LSM1: variants seen among roughly 807,000 people sequenced by gnomAD.
LSM1 encodes the protein LSM1 homolog, mRNA degradation associated.
LSM1 carries 13 observed loss-of-function variants against 18.0 expected under a neutral mutation model. The ratio of observed to expected loss-of-function variants is 0.72; its 90% CI spans 0.47 to 1.15. The LOEUF is 1.15. Ranked by LOEUF, LSM1 falls within the 50% of genes most tolerant of loss-of-function variation. LSM1 has a pLI of 0.00. For synonymous variants in LSM1, 46 were observed against 56.0 expected (o/e 0.82, Z 0.80); for missense variants, 152 against 157.7 (o/e 0.96, Z 0.19).
chr8:38,170,468 G>T (rs1007946694), intron 2 of LSM1, among the ~76,000 whole-genome samples: 1 of 152,082 alleles, frequency 6.6e-6, no homozygotes, highest in African/African-American at 2.4e-5. Flanking sequence ...AGAAATAAGA[G>T]AAATAAATTC....
chr8:38,165,372 G>A (rs1288076117), intron 3 of LSM1, among the ~76,000 whole-genome samples: 1 of 150,638 alleles, frequency 6.6e-6, no homozygotes, highest in Non-Finnish European at 1.5e-5. Context: ...ACAAAAAATT[G>A]TTGCCTAATA....
intron 1 of LSM1, among the ~76,000 whole-genome samples, chr8:38,175,368 C>T (rs959875431): frequency 1.3e-4 from 20 of 151,962 alleles, no homozygotes; most frequent in Admixed American, 3.9e-4. Context: ...GCGCCAGGCC[C>T]GTAAAATGAA....
rs183782240 is a variant in LSM1 at position 38,165,579 on chromosome 8, C to T, written c.232-1739G>A. ...AGGTGTGGTGGCTCACACTTGTAATCCCAGCTACTCGGGAAGCTGAGGCAC... is the reference window on the plus strand; with the variant it reads ...AGGTGTGGTGGCTCACACTTGTAATTCCAGCTACTCGGGAAGCTGAGGCAC... On this transcript the variant is annotated intron_variant, in intron 3 of 3. Transcript: ENST00000311351. Among the ~76,000 whole-genome samples, 870 of 151,614 alleles carry T rather than the reference C, an allele frequency of 5.7e-3. 35 individuals carry two copies. The highest frequency in any genetic ancestry group is 0.049 in the Admixed American group (746 of 15,206).
intron 2 of LSM1, among the ~76,000 whole-genome samples, chr8:38,171,535 C>T (rs540549584): frequency 6.6e-6 from 1 of 152,274 alleles, no homozygotes; most frequent in Admixed American, 6.5e-5. Context: ...GGGGTGGTGG[C>T]TGGAGCCTAT....
At chr8:38,175,171 C>A (rs1442870040) in intron 1 of LSM1, among the ~76,000 whole-genome samples, 1 of 149,344 alleles carries the variant, frequency 6.7e-6, no homozygotes, top group Admixed American at 6.7e-5. Flanking sequence ...ACCTTCTCCT[C>A]CCGGGTTCAA....
In LSM1 at chr8:38,172,015, A is replaced by G. The variant is rs867224503; in HGVS notation, c.65T>C (p.Leu22Pro). ...GCCTATAAGTGTCCTTCCATCTCGAAGCAGAACCAAGTGCTTTTCTGGGGA... is the reference window on the plus strand; with the variant it reads ...GCCTATAAGTGTCCTTCCATCTCGAGGCAGAACCAAGTGCTTTTCTGGGGA... ...EDIDKKHLVL[L>P]RDGRTLIGFL... The change falls in exon 2 of 4, where the codon CTT (leucine) becomes CCT (proline). Residue 22 changes from leucine (L) to proline (P), a missense_variant. Transcript: ENST00000311351. 7 of 1,611,442 alleles carry G rather than the reference A, an allele frequency of 4.3e-6. No homozygotes were observed. The highest frequency in any genetic ancestry group is 4.0e-5 in the African/African-American group (3 of 74,724).
intron 2 of LSM1, among the ~76,000 whole-genome samples, chr8:38,171,277 A>G (rs1212224461): frequency 6.6e-6 from 1 of 152,150 alleles, no homozygotes; most frequent in African/African-American, 2.4e-5. Context: ...TCGCGCCTAT[A>G]ATCTCAGCAC....
intron 2 of LSM1, among the ~76,000 whole-genome samples, chr8:38,171,756 C>T (rs1044776316): frequency 2.6e-5 from 4 of 152,182 alleles, no homozygotes; most frequent in Non-Finnish European, 5.9e-5. Context: ...TACTGAAAGC[C>T]AGTTTTAGAA....
At chr8:38,169,705 T>C (rs575153655) in intron 3 of LSM1, 97 bp downstream of exon 3, 5 of 683,312 alleles carry the variant, frequency 7.3e-6, no homozygotes, top group African/African-American at 3.7e-5. Flanking sequence ...GCCAGATAAA[T>C]GTGGAGAATA....
chr8:38,167,258 A>G (rs762695542), intron 3 of LSM1, among the ~76,000 whole-genome samples: 1 of 152,236 alleles, frequency 6.6e-6, no homozygotes, highest in Admixed American at 6.5e-5. Flanking sequence ...ACAAACACAC[A>G]CATCTACTTA....
In LSM1 at chr8:38,173,526, A is replaced by C. The variant is rs531636726; in HGVS notation, c.47-1493T>G. On this transcript the variant is annotated intron_variant, in intron 1 of 3. Transcript: ENST00000311351. ...AGGCTGCATCTGGATTTGACTTCAT[A>C]GGGAACAAGAAAACATTAAGTGATG... Among the ~76,000 whole-genome samples, 10 of 152,360 alleles carry C rather than the reference A, an allele frequency of 6.6e-5. No homozygotes were observed. The South Asian group carries it at 2.1e-3, about 32-fold the overall frequency.
chr8:38,172,885 T>A (rs1179710880), intron 1 of LSM1, among the ~76,000 whole-genome samples: 1 of 152,144 alleles, frequency 6.6e-6, no homozygotes, highest in East Asian at 1.9e-4. Context: ...TGTTCTGGGG[T>A]CTAGACATAC....
chr8:38,165,224 G>C (rs539027726), intron 3 of LSM1, among the ~76,000 whole-genome samples: 1 of 152,138 alleles, frequency 6.6e-6, no homozygotes. Context: ...GTGGTGGCAG[G>C]TGCCTGTAAT....
intron 1 of LSM1, among the ~76,000 whole-genome samples, chr8:38,174,356 G>A (rs1204346063): frequency 6.6e-6 from 1 of 152,022 alleles, no homozygotes; most frequent in East Asian, 1.9e-4. Context: ...AGTAACAACA[G>A]ACAGACAAAA....
At chr8:38,173,827 A>G (rs16887244) in intron 1 of LSM1, among the ~76,000 whole-genome samples, 31,173 of 152,190 alleles carry the variant, frequency 0.2, 3,508 homozygotes, top group East Asian at 0.31. Context: ...ATAAATCTAC[A>G]AAGAGGTGAT....
At chr8:38,168,304 T>C (rs925706689) in intron 3 of LSM1, among the ~76,000 whole-genome samples, 10 of 149,420 alleles carry the variant, frequency 6.7e-5, no homozygotes, top group Non-Finnish European at 1.0e-4. Flanking sequence ...CAATTTCTGC[T>C]GCTTGGCTGG....
chr8:38,164,790 T>C (rs1802902417), intron 3 of LSM1, among the ~76,000 whole-genome samples: 1 of 152,040 alleles, frequency 6.6e-6, no homozygotes, highest in East Asian at 1.9e-4. Context: ...GAGCCATGAA[T>C]GTGTCACTGC....
At position 38,169,872 on chromosome 8, in the gene LSM1, T is replaced by C. The variant is rs1012856396; in HGVS notation, c.161A>G (p.Lys54Arg). ...HQTVERIHVG[K>R]KYGDIPRGIF... ...CCCTCGAGGAATATCACCGTATTTT[T>C]TGCCCACATGAATACGCTCCACAGT... is the stretch of plus-strand genomic sequence containing the variant. The change falls in exon 3 of 4, where the codon AAA becomes AGA. Residue 54 changes from lysine to arginine, a missense_variant. Transcript: ENST00000311351. The C allele has an allele frequency of 1.2e-5, 19 of 1,613,904 alleles. No individual in the cohort carries two copies. The highest frequency in any genetic ancestry group is 2.7e-5 in the African/African-American group (2 of 74,926).
At chr8:38,176,670 G>C (rs1803154793), upstream of LSM1, 3 of 619,052 alleles carry the variant, frequency 4.8e-6, no homozygotes, top group Non-Finnish European at 7.9e-6. Context: ...TTCGTCTCCG[G>C]GTTCCCGAGA....
Sources: allele counts gnomAD v4.1 joint callset (sites outside exome capture counted in the v4.1 genomes callset), GRCh38; gene constraint gnomAD v4.1.1; transcripts MANE v1.5; gene names NCBI Gene and HGNC (gene_info 2026-07-23, HGNC 2026-07-21).